THRAP3: variants seen among roughly 807,000 people sequenced by gnomAD.
THRAP3 encodes the protein thyroid hormone receptor-associated protein 3.
Under a neutral mutation model 101.0 loss-of-function variants are expected in THRAP3, and 16 were observed. The observed-to-expected ratio is 0.16, with a 90% CI of 0.11 to 0.24. THRAP3 has a LOEUF of 0.24. THRAP3 is among the 10% of genes least tolerant of loss of function. The probability of loss-of-function intolerance (pLI) is 1.00; values close to 1 mark genes in which losing one functional copy is unlikely to be tolerated. For synonymous variants in THRAP3, 407 were observed against 422.6 expected, an observed-to-expected ratio of 0.96 and a Z score of 0.45; for missense variants, 989 against 1,202.7, an observed-to-expected ratio of 0.82 and a Z score of 2.63.
chr1:36,265,765 G>A (rs571982947), intron 2 of THRAP3, among the ~76,000 whole-genome samples: 1 of 152,132 alleles, frequency 6.6e-6, no homozygotes, highest in Admixed American at 6.5e-5. Flanking sequence ...ATATCAACCC[G>A]TCATCTAGGT....
chr1:36,245,050 T>C (rs1392633875), intron 1 of THRAP3, among the ~76,000 whole-genome samples: 1 of 151,854 alleles, frequency 6.6e-6, no homozygotes, highest in Non-Finnish European at 1.5e-5. Flanking sequence ...GTCTTCCTCC[T>C]GAAAACCTTA....
At chr1:36,291,679 A>AT in intron 6 of THRAP3, 133 bp downstream of exon 6, 1 of 918,146 alleles carries the variant, frequency 1.1e-6, no homozygotes, top group Non-Finnish European at 1.6e-6. Flanking sequence ...GCTGGCTTGA[A>AT]GGAAATTCCA....
At position 36,292,257 on chromosome 1, in the gene THRAP3, TTTGTTTC is replaced by T. The variant is rs1403616300; in HGVS notation, c.1919-338_1919-332del. Among the ~76,000 whole-genome samples, 518 of 54,306 alleles carry T rather than the reference TTTGTTTC, an allele frequency of 9.5e-3. 128 individuals are homozygous for T. The highest frequency in any genetic ancestry group is 0.024 in the African/African-American group (416 of 17,350). 35.6% of individuals were successfully genotyped at this position (54,306 alleles called of 152,430 possible). On this transcript the variant is annotated intron_variant, in intron 6 of 11. Transcript: ENST00000354618. ...TGCCTTTGGTAACATAATGTGTTTCTTTGTTTCTTTTTTTTTTTTTTTTTTTTTTTTT... is the reference window on the plus strand; with the variant it reads ...TGCCTTTGGTAACATAATGTGTTTCTTTTTTTTTTTTTTTTTTTTTTTTTT...
chr1:36,241,249 CA>C (rs1553192264), intron 1 of THRAP3, among the ~76,000 whole-genome samples: 1 of 149,762 alleles, frequency 6.7e-6, no homozygotes, highest in Non-Finnish European at 1.5e-5. Context: ...TGACACCTGA[CA>C]CCTCTCACCA....
chr1:36,294,212 G>C, intron 8 of THRAP3: 1 of 1,199,822 alleles, frequency 8.3e-7, no homozygotes, highest in Non-Finnish European at 1.0e-6. Flanking sequence ...CATGATGAGA[G>C]AAGAAACTTT....
At chr1:36,250,625 T>C (rs1172581814) in intron 1 of THRAP3, among the ~76,000 whole-genome samples, 1 of 151,848 alleles carries the variant, frequency 6.6e-6, no homozygotes, top group Non-Finnish European at 1.5e-5. Context: ...AAAATATACC[T>C]TAGAGGCTGG....
At position 36,304,183 on chromosome 1, in the gene THRAP3, C is replaced by A; in HGVS notation, c.*166C>A. 9.0e-7 allele frequency: 1 copy of A among 1,113,904 alleles called. No individual in the cohort carries two copies. The highest frequency in any genetic ancestry group is 1.2e-6 in the Non-Finnish European group (1 of 821,012). The allele number at this position is 1,113,904 out of a possible 1,614,324, so 69.0% of individuals were successfully genotyped here. A position where few individuals can be genotyped will look rare whatever the true frequency, so the allele number is the denominator to read the frequency against. ...GAGAGGCATCCCTGGCGCTGTCTCC[C>A]ACTGGACAGAGGAGGCTGGCCATGG... is the stretch of plus-strand genomic sequence containing the variant. On this transcript the variant is annotated 3_prime_UTR_variant, in exon 12 of 12. Coordinates refer to ENST00000354618, the MANE Select transcript of THRAP3 (RefSeq NM_005119.4).
At position 36,286,925 on chromosome 1, in the gene THRAP3, C is replaced by T. The variant is rs1343659845; in HGVS notation, c.695C>T (p.Ser232Phe). The change falls in exon 4 of 12, where the codon TCT becomes TTT. Residue 232 changes from serine to phenylalanine, a missense_variant. Ser to Phe is a radical substitution (Grantham distance 155). Coordinates refer to ENST00000354618, the MANE Select transcript of THRAP3 (RefSeq NM_005119.4). The surrounding 1 kb of genome is among the most constrained non-coding windows in gnomAD (Gnocchi z 5.5). ...PWPDATYGTG[S>F]ASRASAVSEL... ...CCAGATGCCACCTACGGCACTGGTT[C>T]TGCATCACGGGCCTCAGCAGTTTCT... 1.9e-6 allele frequency: 3 copies of T among 1,614,224 alleles called. No individual in the cohort carries two copies. The highest frequency in any genetic ancestry group is 2.5e-6 in the Non-Finnish European group (3 of 1,180,036).
intron 1 of THRAP3, among the ~76,000 whole-genome samples, chr1:36,229,726 C>T (rs1446363902): frequency 1.3e-5 from 2 of 151,714 alleles, no homozygotes; most frequent in African/African-American, 4.8e-5. Context: ...AATCTCAGCT[C>T]ACCGCAACCT....
chr1:36,250,021 A>G (rs1304375762), intron 1 of THRAP3, among the ~76,000 whole-genome samples: 1 of 152,108 alleles, frequency 6.6e-6, no homozygotes, highest in African/African-American at 2.4e-5. Context: ...AGCAATCTAG[A>G]GAAGTTGGTT....
At chr1:36,238,405 A>G (rs1008386331) in intron 1 of THRAP3, among the ~76,000 whole-genome samples, 3 of 152,162 alleles carry the variant, frequency 2.0e-5, no homozygotes, top group African/African-American at 7.2e-5. Context: ...GGTATGAAAA[A>G]TCTTTTTTGA....
intron 2 of THRAP3, 114 bp from the exon 3 acceptor site, chr1:36,282,419 A>C: frequency 4.6e-6 from 3 of 648,742 alleles, no homozygotes; most frequent in Non-Finnish European, 4.9e-6. Context: ...TTTTGTAGAT[A>C]TGGGGTCTTC....
intron 1 of THRAP3, among the ~76,000 whole-genome samples, chr1:36,228,552 G>C (rs1644989032): frequency 6.6e-6 from 1 of 152,032 alleles, no homozygotes; most frequent in African/African-American, 2.4e-5. Flanking sequence ...ACGGGGTTTT[G>C]CCATGTTGGC....
At chr1:36,262,799 T>A (rs1645462899) in intron 2 of THRAP3, among the ~76,000 whole-genome samples, 1 of 149,466 alleles carries the variant, frequency 6.7e-6, no homozygotes, top group South Asian at 2.1e-4. Flanking sequence ...TATTTATTAT[T>A]ATTATTTTTT....
upstream of THRAP3, among the ~76,000 whole-genome samples, chr1:36,223,642 G>T (rs1481908713): frequency 1.3e-5 from 2 of 152,152 alleles, no homozygotes; most frequent in East Asian, 3.8e-4. Flanking sequence ...TTTGTAGGTG[G>T]GTAAGAATCA....
intron 2 of THRAP3, among the ~76,000 whole-genome samples, chr1:36,273,243 G>A (rs1213400930): frequency 6.6e-6 from 1 of 152,200 alleles, no homozygotes; most frequent in Non-Finnish European, 1.5e-5. Flanking sequence ...TGTCTTCTCA[G>A]CAGAGTAGAG....
intron 1 of THRAP3, among the ~76,000 whole-genome samples, chr1:36,229,410 TTG>T (rs1287817528): frequency 0.19 from 5,245 of 28,176 alleles, 96 homozygotes; most frequent in South Asian, 0.44. Flanking sequence ...GTTTTTTTTT[TTG>T]TTTTTTTTTT....
At chr1:36,294,262 TG>T (rs1645917566) in intron 8 of THRAP3, 4 of 1,077,958 alleles carry the variant, frequency 3.7e-6, no homozygotes, top group Admixed American at 4.6e-5. Flanking sequence ...TCAAATCAAC[TG>T]TATACATGCA....
chr1:36,234,388 G>T (rs1277471992), intron 1 of THRAP3, among the ~76,000 whole-genome samples: 1 of 152,156 alleles, frequency 6.6e-6, no homozygotes, highest in East Asian at 1.9e-4. Flanking sequence ...CAGACAGATG[G>T]TGGTTGAAAA....
Sources: allele counts gnomAD v4.1 joint callset (sites outside exome capture counted in the v4.1 genomes callset), GRCh38; gene constraint gnomAD v4.1.1; non-coding constraint Gnocchi (gnomAD v3.1); transcripts MANE v1.5; gene names NCBI Gene and HGNC (gene_info 2026-07-23, HGNC 2026-07-21).